The following XRCC5 variants were observed in gnomAD, a reference collection of about 807,000 sequenced individuals.
XRCC5 encodes the protein DNA repair protein Ku80.
Under a neutral mutation model 95.7 loss-of-function variants are expected in XRCC5, and 12 were observed. The ratio of observed to expected loss-of-function variants is 0.13; its 90% CI spans 0.08 to 0.20. The LOEUF is 0.20. XRCC5 is among the 10% of genes least tolerant of loss of function. The pLI, the probability that XRCC5 is intolerant of heterozygous loss-of-function variation, is 1.00. For synonymous variants in XRCC5, 281 were observed against 290.3 expected (o/e 0.97, Z 0.33); for missense variants, 595 against 873.9 (o/e 0.68, Z 4.02).
chr2:216,116,401 A>C (rs369465606), intron 2 of XRCC5, among the ~76,000 whole-genome samples: 1 of 152,168 alleles, frequency 6.6e-6, no homozygotes, highest in African/African-American at 2.4e-5. Flanking sequence ...AATCATCAAG[A>C]ACACTTACTA....
At chr2:216,192,061 T>A (rs2106048058) in intron 17 of XRCC5, among the ~76,000 whole-genome samples, 1 of 152,010 alleles carries the variant, frequency 6.6e-6, no homozygotes, top group East Asian at 1.9e-4. Context: ...TGCAGTGGCA[T>A]GATCTCGGCT....
At chr2:216,161,401 C>T (rs1688948591) in intron 15 of XRCC5, among the ~76,000 whole-genome samples, 1 of 152,178 alleles carries the variant, frequency 6.6e-6, no homozygotes, top group Admixed American at 6.5e-5. Flanking sequence ...GTCTTTCAAA[C>T]TTCCTCACCC....
At chr2:216,126,681 C>T (rs1394520500) in intron 7 of XRCC5, among the ~76,000 whole-genome samples, 4 of 151,950 alleles carry the variant, frequency 2.6e-5, no homozygotes, top group Non-Finnish European at 5.9e-5. Context: ...AATAAATATA[C>T]AAAAACATGT....
At chr2:216,169,674 G>A (rs913371696) in intron 16 of XRCC5, among the ~76,000 whole-genome samples, 1 of 152,014 alleles carries the variant, frequency 6.6e-6, no homozygotes, top group African/African-American at 2.4e-5. Context: ...ACTACAGTTT[G>A]TTCTCTCAGT....
intron 2 of XRCC5, among the ~76,000 whole-genome samples, chr2:216,116,052 A>G (rs1215012582): frequency 1.3e-5 from 2 of 152,226 alleles, no homozygotes; most frequent in Non-Finnish European, 2.9e-5. Flanking sequence ...TCATGTTGAT[A>G]CGTGTTGCAC....
chr2:216,170,037 C>CAAAAAAAA (rs71047982), intron 16 of XRCC5, among the ~76,000 whole-genome samples: 27 of 53,644 alleles, frequency 5.0e-4, no homozygotes, highest in South Asian at 1.4e-3. Context: ...GACTGTGTCT[C>CAAAAAAAA]AAAAAAAAAA....
chr2:216,111,873 T>C (rs531278609), intron 1 of XRCC5, among the ~76,000 whole-genome samples: 21 of 152,314 alleles, frequency 1.4e-4, no homozygotes, highest in African/African-American at 4.3e-4. Context: ...TCAGAACTAA[T>C]GGGTAGGAGA....
At chr2:216,126,091 T>G (rs1187962228) in intron 7 of XRCC5, 60 bp downstream of exon 7, 1 of 1,353,304 alleles carries the variant, frequency 7.4e-7, no homozygotes, top group African/African-American at 1.4e-5. Context: ...TATGTGTATA[T>G]AAGGAACAGA....
At chr2:216,196,348 C>A (rs746054800) in intron 19 of XRCC5, among the ~76,000 whole-genome samples, 6 of 152,090 alleles carry the variant, frequency 3.9e-5, no homozygotes, top group Admixed American at 6.5e-5. Flanking sequence ...CTGCCACAGG[C>A]AATACTGAGC....
At chr2:216,162,230 C>G (rs956515350) in intron 16 of XRCC5, among the ~76,000 whole-genome samples, 182 bp downstream of exon 16, 1 of 152,180 alleles carries the variant, frequency 6.6e-6, no homozygotes, top group Admixed American at 6.5e-5. Context: ...TGAAAGTGAA[C>G]TCAGCACAGA....
At chr2:216,141,854 A>G (rs1317190036) in intron 13 of XRCC5, among the ~76,000 whole-genome samples, 1 of 151,964 alleles carries the variant, frequency 6.6e-6, no homozygotes, top group East Asian at 1.9e-4. Flanking sequence ...GGAGTTCAAG[A>G]CCAGCCTGGC....
intron 2 of XRCC5, among the ~76,000 whole-genome samples, chr2:216,115,583 TGAA>T (rs1696681406): frequency 6.6e-6 from 1 of 152,232 alleles, no homozygotes; most frequent in Non-Finnish European, 1.5e-5. Context: ...CCTACAAAAA[TGAA>T]GAATGACAGA....
chr2:216,133,811 A>G (rs556324441), intron 10 of XRCC5, among the ~76,000 whole-genome samples: 2 of 152,350 alleles, frequency 1.3e-5, no homozygotes, highest in African/African-American at 4.8e-5. Context: ...TGAGATAAGC[A>G]AGGGAGTAAG....
At chr2:216,170,146 G>T (rs1292394066) in intron 16 of XRCC5, among the ~76,000 whole-genome samples, 2 of 151,150 alleles carry the variant, frequency 1.3e-5, no homozygotes, top group Non-Finnish European at 2.9e-5. Context: ...GTCAAGAGGG[G>T]GTCCATTTCA....
At chr2:216,148,328 T>C in intron 14 of XRCC5, 52 bp downstream of exon 14, 1 of 1,535,968 alleles carries the variant, frequency 6.5e-7, no homozygotes, top group Non-Finnish European at 8.8e-7. Context: ...AGAGTTGTGG[T>C]CATTTTAGAG....
chr2:216,180,450 ACC>A (rs1033861582), intron 16 of XRCC5, among the ~76,000 whole-genome samples: 4 of 152,148 alleles, frequency 2.6e-5, no homozygotes, highest in African/African-American at 9.7e-5. Context: ...ACATGGCAAA[ACC>A]CCATCTCTAC....
chr2:216,135,117 TTTG>T, intron 10 of XRCC5, among the ~76,000 whole-genome samples: 1 of 149,812 alleles, frequency 6.7e-6, no homozygotes, highest in East Asian at 2.0e-4. Flanking sequence ...GTTTGTTTGT[TTTG>T]TTTTTACAAC....
At chr2:216,191,789 G>T (rs1213366375) in intron 17 of XRCC5, among the ~76,000 whole-genome samples, 1 of 152,106 alleles carries the variant, frequency 6.6e-6, no homozygotes, top group Non-Finnish European at 1.5e-5. Context: ...TAGTTATTTG[G>T]TTCTATTAAG....
chr2:216,161,902 A>T, intron 15 of XRCC5, 77 bp from the exon 16 acceptor site: 1 of 1,181,914 alleles, frequency 8.5e-7, no homozygotes, highest in Non-Finnish European at 1.3e-6. Flanking sequence ...TTATTACATT[A>T]AGCCATCTTG....
Sources: allele counts gnomAD v4.1 joint callset (sites outside exome capture counted in the v4.1 genomes callset), GRCh38; gene constraint gnomAD v4.1.1; transcripts MANE v1.5; gene names NCBI Gene and HGNC (gene_info 2026-07-23, HGNC 2026-07-21).